TBL1X: variants seen among roughly 807,000 people sequenced by gnomAD.
The protein encoded by TBL1X is F-box-like/WD repeat-containing protein TBL1X.
Under a neutral mutation model 50.7 loss-of-function variants are expected in TBL1X, and 10 were observed. That is an observed-to-expected ratio of 0.20 (90% CI 0.12 to 0.33). TBL1X has a LOEUF of 0.33. TBL1X is among the 10% of genes least tolerant of loss of function. The pLI, the probability that TBL1X is intolerant of heterozygous loss-of-function variation, is 1.00. For missense variants in TBL1X, 340 were observed against 504.4 expected (o/e 0.67, Z 3.12); for synonymous variants, 190 against 214.7 (o/e 0.88, Z 1.01).
chrX:9,573,059 A>T (rs2082393749), intron 2 of TBL1X, among the ~76,000 whole-genome samples: 1 of 112,957 alleles, frequency 8.9e-6, no homozygotes. Flanking sequence ...CATTATCTTC[A>T]CTTTTCCTTT....
chrX:9,690,689 A>G (rs1279991927), intron 7 of TBL1X, among the ~76,000 whole-genome samples: 2 of 111,770 alleles, frequency 1.8e-5, no homozygotes, highest in African/African-American at 6.5e-5. Context: ...GTCACACTTT[A>G]TTTATGCAGA....
At chrX:9,708,596 A>G (rs933523925) in intron 13 of TBL1X, among the ~76,000 whole-genome samples, 1 of 109,799 alleles carries the variant, frequency 9.1e-6, no homozygotes, top group Middle Eastern at 4.7e-3. Flanking sequence ...AAAAGTGCAT[A>G]AGAGGCCTGG....
chrX:9,716,176 TG>T, intron 17 of TBL1X, 43 bp from the exon 18 acceptor site: 1 of 1,202,128 alleles, frequency 8.3e-7, no homozygotes, highest in Non-Finnish European at 1.1e-6. Context: ...AAGGCATCTT[TG>T]TATTGTCTCT....
chrX:9,678,041 T>G (rs2083004846), intron 5 of TBL1X, among the ~76,000 whole-genome samples: 1 of 112,238 alleles, frequency 8.9e-6, no homozygotes. Flanking sequence ...TCTTCTCTTC[T>G]GTTTCTTTCC....
At chrX:9,542,099 C>T (rs1391267156) in intron 2 of TBL1X, among the ~76,000 whole-genome samples, 1 of 111,103 alleles carries the variant, frequency 9.0e-6, no homozygotes, top group African/African-American at 3.3e-5. Flanking sequence ...GTTGTTACTG[C>T]TAGTATGAAC....
At chrX:9,598,951 GTTTTT>G (rs1454055684) in intron 2 of TBL1X, among the ~76,000 whole-genome samples, 3 of 98,100 alleles carry the variant, frequency 3.1e-5, no homozygotes, top group Non-Finnish European at 4.2e-5. Flanking sequence ...TTTGTTTTTT[GTTTTT>G]TTTTTTAGAC....
rs1219809820 is a variant in TBL1X at position 9,718,829 on chromosome X, G to A, written c.*2583G>A. 8.9e-6 allele frequency: 1 copy of A among 111,809 alleles called. No homozygotes were observed. The highest frequency in any genetic ancestry group is 1.9e-5 in the Non-Finnish European group (1 of 53,147). The allele number at this position is 111,809 out of a possible 1,213,427, so 9.2% of individuals were successfully genotyped here. On this transcript the variant is annotated 3_prime_UTR_variant, in exon 18 of 18. Transcript: ENST00000645353. ...GTAGAAACCTGGGCTGGGAGGCCTC[G>A]GACCCCAGGCTCCATCCCTGGCTTC...
At chrX:9,569,477 C>CAA (rs2082373983) in intron 2 of TBL1X, among the ~76,000 whole-genome samples, 1 of 112,140 alleles carries the variant, frequency 8.9e-6, no homozygotes, top group African/African-American at 3.2e-5. Flanking sequence ...CTCACGCCTT[C>CAA]TGTTTTCACA....
At chrX:9,480,539 C>T (rs1389953906) in intron 1 of TBL1X, among the ~76,000 whole-genome samples, 14 of 111,696 alleles carry the variant, frequency 1.3e-4, no homozygotes, top group Admixed American at 1.0e-3. Context: ...GACAGAAAAA[C>T]GAGGAGAGAG....
chrX:9,667,646 G>A (rs768002137), intron 5 of TBL1X, among the ~76,000 whole-genome samples: 1 of 111,811 alleles, frequency 8.9e-6, no homozygotes, highest in Non-Finnish European at 1.9e-5. Context: ...CAAGATTTTC[G>A]TGTAATATTA....
chrX:9,498,338 C>T (rs193259152), intron 1 of TBL1X, among the ~76,000 whole-genome samples: 3 of 112,092 alleles, frequency 2.7e-5, no homozygotes, highest in Admixed American at 9.5e-5. Flanking sequence ...GTCAGAGTGA[C>T]GGTGAGCAGC....
chrX:9,617,384 G>C (rs767943065), intron 2 of TBL1X, among the ~76,000 whole-genome samples: 7 of 111,855 alleles, frequency 6.3e-5, no homozygotes, highest in Non-Finnish European at 1.3e-4. Flanking sequence ...GGTTCGCTGA[G>C]ATCTCTGACT....
Position 9,577,111 on chromosome X carries a change from C to T in TBL1X, c.-130-63162C>T, listed in dbSNP as rs1248296285. The stretch of plus-strand genomic sequence containing the variant: ...TGTGCCCAGTGTTCATTTGAATCTG[C>T]CCATCAATTAGTCTTTTCCTGATGT... On this transcript the variant is annotated intron_variant, in intron 2 of 17. Transcript: ENST00000645353. Among the ~76,000 whole-genome samples, 3 of 111,630 alleles carry T rather than the reference C, an allele frequency of 2.7e-5. No homozygotes were observed. The East Asian group carries it at 8.4e-4, about 31-fold the overall frequency.
At chrX:9,694,111 G>A (rs1265598874) in intron 11 of TBL1X, among the ~76,000 whole-genome samples, 4 of 110,861 alleles carry the variant, frequency 3.6e-5, no homozygotes, top group African/African-American at 1.3e-4. Context: ...TTCCTCACTT[G>A]TCCAGCGACA....
At chrX:9,698,971 G>A (rs954343227) in intron 12 of TBL1X, among the ~76,000 whole-genome samples, 2 of 111,225 alleles carry the variant, frequency 1.8e-5, no homozygotes, top group African/African-American at 6.5e-5. Flanking sequence ...TTCGTGGGTC[G>A]TTTTGGGTTT....
chrX:9,504,181 C>T (rs953036007), intron 2 of TBL1X, among the ~76,000 whole-genome samples: 8 of 111,479 alleles, frequency 7.2e-5, no homozygotes, highest in African/African-American at 2.6e-4. Context: ...CACCAGCAAA[C>T]TGCAGCAGCC....
rs746013426 is a variant in TBL1X, at chrX:9,484,317, TAC to T, written c.-200-17446_-200-17445del. 9.2e-5 allele frequency among the ~76,000 whole-genome samples: 10 copies of T among 108,762 alleles called. No homozygotes were observed. The South Asian group carries it at 1.2e-3, about 13-fold the overall frequency. 94.4% of individuals were successfully genotyped at this position (108,762 alleles called of 115,157 possible). ...CCACCGTGCCTGGCTCGTTTTTTCA[TAC>T]ACACACACACACACACCCATATTTG... is the stretch of plus-strand genomic sequence containing the variant. On this transcript the variant is annotated intron_variant, in intron 1 of 17. Transcript: ENST00000645353.
chrX:9,546,841 C>T (rs1292340431), intron 2 of TBL1X, among the ~76,000 whole-genome samples: 59 of 59,779 alleles, frequency 9.9e-4, no homozygotes, highest in Admixed American at 3.7e-3. Context: ...TTTTTTGAGA[C>T]GGAGTCTCGC....
intron 1 of TBL1X, among the ~76,000 whole-genome samples, chrX:9,494,187 G>A (rs2081960711): frequency 9.0e-6 from 1 of 111,596 alleles, no homozygotes; most frequent in Admixed American, 9.5e-5. Context: ...TAATTATTAT[G>A]TTGACTGGAA....
Sources: gnomAD v4.1 joint callset for allele counts (sites outside exome capture counted in the v4.1 genomes callset) on GRCh38, gnomAD v4.1.1 for gene constraint, MANE v1.5 for transcripts, NCBI Gene and HGNC (gene_info 2026-07-23, HGNC 2026-07-21) for gene names.